CACNA1A: variants seen among roughly 807,000 people sequenced by gnomAD.
CACNA1A encodes the protein calcium voltage-gated channel subunit alpha1 A, also known as voltage-dependent P/Q-type calcium channel subunit alpha-1A.
Under a neutral mutation model 262.4 loss-of-function variants are expected in CACNA1A, and 57 were observed. The observed-to-expected ratio is 0.22, with a 90% CI of 0.18 to 0.27. The LOEUF (loss-of-function observed/expected upper bound fraction) is 0.27. Ranked by LOEUF, CACNA1A falls within the 10% of genes least tolerant of loss-of-function variation. The probability of loss-of-function intolerance (pLI) is 1.00; values close to 1 mark genes in which losing one functional copy is unlikely to be tolerated. For missense variants in CACNA1A, 2,526 were observed against 3,562.8 expected (o/e 0.71, Z 7.41); for synonymous variants, 1,431 against 1,419.3 (o/e 1.01, Z -0.18).
intron 3 of CACNA1A, among the ~76,000 whole-genome samples, chr19:13,405,918 G>C (rs998784152): frequency 3.3e-5 from 5 of 152,206 alleles, no homozygotes; most frequent in Admixed American, 3.3e-4. Flanking sequence ...AGGTGGCAGA[G>C]TCAGAATGCA....
chr19:13,484,538 C>G (rs1055895825), intron 1 of CACNA1A, among the ~76,000 whole-genome samples: 1 of 152,194 alleles, frequency 6.6e-6, no homozygotes, highest in Admixed American at 6.5e-5. Flanking sequence ...ATCTCCACAG[C>G]CACCATGCCA....
intron 30 of CACNA1A, among the ~76,000 whole-genome samples, chr19:13,248,785 G>T (rs948759141): frequency 4.0e-5 from 6 of 151,438 alleles, no homozygotes; most frequent in African/African-American, 1.5e-4. Flanking sequence ...AGAGGTTGCA[G>T]TGAGCCAAGA....
At position 13,259,556 on chromosome 19, in the gene CACNA1A, C is replaced by T. The variant is rs376248243; in HGVS notation, c.4388+8G>A. 31 of 1,599,006 alleles carry T rather than the reference C, an allele frequency of 1.9e-5. No individual in the cohort carries two copies. In the African/African-American group the frequency reaches 3.8e-4, roughly 19 times the overall value. ...CCTCCTGGATAGATTTCCAGTCGGG[C>T]CACTTACTGTGGCCAGCCTTCTCCC... On this transcript the variant is annotated splice_region_variant and intron_variant, in intron 27 of 46. Transcript: ENST00000360228.
At chr19:13,336,594 G>GGGAGAGA (rs1555768097) in intron 6 of CACNA1A, among the ~76,000 whole-genome samples, 2 of 65,494 alleles carry the variant, frequency 3.1e-5, no homozygotes, top group African/African-American at 5.1e-5. Flanking sequence ...AGAGAGAGAG[G>GGGAGAGA]GAGAGAGAGA....
chr19:13,432,554 G>T (rs991107517), intron 3 of CACNA1A, among the ~76,000 whole-genome samples: 1 of 152,056 alleles, frequency 6.6e-6, no homozygotes, highest in Non-Finnish European at 1.5e-5. Flanking sequence ...ATTAGGCAAA[G>T]GATACAAAGT....
intron 10 of CACNA1A, among the ~76,000 whole-genome samples, chr19:13,320,211 G>A (rs1402356715): frequency 6.7e-6 from 1 of 149,510 alleles, no homozygotes; most frequent in East Asian, 2.0e-4. Context: ...TGGGACCTTG[G>A]GGGACAGGGG....
intron 1 of CACNA1A, among the ~76,000 whole-genome samples, chr19:13,497,928 A>T (rs1217177366): frequency 1.3e-5 from 2 of 151,884 alleles, no homozygotes; most frequent in Non-Finnish European, 2.9e-5. Context: ...ATTTGCAGCC[A>T]GGGTGGACTG....
At chr19:13,268,558 C>T (rs759440469) in intron 24 of CACNA1A, among the ~76,000 whole-genome samples, 17 of 151,826 alleles carry the variant, frequency 1.1e-4, no homozygotes, top group Non-Finnish European at 1.9e-4. Flanking sequence ...CTCAGCCTCC[C>T]GAGTGCTGGG....
At chr19:13,219,775 AACCCC>A (rs2055152157) in intron 38 of CACNA1A, among the ~76,000 whole-genome samples, 2 of 151,224 alleles carry the variant, frequency 1.3e-5, no homozygotes, top group African/African-American at 4.9e-5. Context: ...ATCATGGTGA[AACCCC>A]GTTTCTACTA....
At chr19:13,464,112 A>G (rs949334080) in intron 1 of CACNA1A, among the ~76,000 whole-genome samples, 2 of 152,182 alleles carry the variant, frequency 1.3e-5, no homozygotes, top group African/African-American at 4.8e-5. Flanking sequence ...ATGTGGGCCA[A>G]ATGCAGAGGT....
chr19:13,214,136 C>G lies in CACNA1A; in HGVS notation c.5940+97G>C. ...AGCCCCTACTTTTCAGGGACCTGCC[C>G]TGGGGCTCAGCCACCCTCATATTCC... On this transcript the variant is annotated intron_variant, in intron 40 of 46. Transcript: ENST00000360228. This position sits in a 1 kb window ranked among gnomAD's most constrained non-coding sequence, Gnocchi z 4.1. The G allele has an allele frequency of 4.0e-6, 4 of 992,008 alleles. No homozygotes were observed. The highest frequency in any genetic ancestry group is 6.1e-6 in the Non-Finnish European group (4 of 656,666). 61.5% of individuals were successfully genotyped at this position (992,008 alleles called of 1,614,324 possible).
chr19:13,305,593 T>G (rs1344425426), intron 15 of CACNA1A, among the ~76,000 whole-genome samples: 1 of 152,198 alleles, frequency 6.6e-6, no homozygotes, highest in South Asian at 2.1e-4. Flanking sequence ...CTGTGCATTG[T>G]AGGATATTGA....
chr19:13,453,045 C>A (rs746886395), intron 2 of CACNA1A, 30 bp from the exon 3 acceptor site: 14 of 1,613,446 alleles, frequency 8.7e-6, no homozygotes, highest in Non-Finnish European at 1.2e-5. Flanking sequence ...AGGTCAGCGT[C>A]TTGGGCTGGG....
chr19:13,275,040 C>A (rs2057112614), intron 24 of CACNA1A: 2 of 151,854 alleles, frequency 1.3e-5, no homozygotes, highest in South Asian at 4.2e-4. Context: ...AACTCAGGGG[C>A]CATCTTGCAA....
At chr19:13,360,412 T>G (rs1175224678) in intron 5 of CACNA1A, among the ~76,000 whole-genome samples, 1 of 151,850 alleles carries the variant, frequency 6.6e-6, no homozygotes, top group Admixed American at 6.6e-5. Context: ...TATTTACTTC[T>G]GGCAAATTTT....
chr19:13,248,404 C>T (rs1389476969), intron 30 of CACNA1A, among the ~76,000 whole-genome samples: 4 of 99,042 alleles, frequency 4.0e-5, no homozygotes, highest in Admixed American at 1.3e-4. Flanking sequence ...AGTAAGATCC[C>T]ATCTCAAAAA....
chr19:13,400,462 C>T (rs1211498672), intron 3 of CACNA1A, among the ~76,000 whole-genome samples: 2 of 152,146 alleles, frequency 1.3e-5, no homozygotes, highest in Admixed American at 1.3e-4. Context: ...CTGTCCAGAT[C>T]CCATCTGCTA....
At chr19:13,376,797 AC>A (rs1030204132) in intron 3 of CACNA1A, among the ~76,000 whole-genome samples, 13 of 45,636 alleles carry the variant, frequency 2.8e-4, no homozygotes, top group South Asian at 6.0e-4. Context: ...TGACATATAT[AC>A]ACATAATATA....
intron 11 of CACNA1A, 83 bp downstream of exon 11, chr19:13,317,029 A>T: frequency 1.2e-6 from 1 of 862,058 alleles, no homozygotes; most frequent in South Asian, 1.6e-5. Context: ...GAAGATACAC[A>T]TACTACCAGA....
Sources: allele counts gnomAD v4.1 joint callset (sites outside exome capture counted in the v4.1 genomes callset), GRCh38; gene constraint gnomAD v4.1.1; non-coding constraint Gnocchi (gnomAD v3.1); transcripts MANE v1.5; gene names NCBI Gene and HGNC (gene_info 2026-07-23, HGNC 2026-07-21).